FCER1A: variants seen among roughly 807,000 people sequenced by gnomAD.
FCER1A encodes the protein Fc epsilon receptor Ia.
In FCER1A, 24 loss-of-function variants were observed where a neutral mutation model predicts 23.6. That is an observed-to-expected ratio of 1.02 (90% CI 0.74 to 1.43). FCER1A has a LOEUF of 1.43. Ranked by LOEUF, FCER1A falls within the 40% of genes most tolerant of loss-of-function variation. The pLI is 0.00. For missense variants in FCER1A, 318 were observed against 294.5 expected (o/e 1.08, Z -0.58); for synonymous variants, 121 against 108.8 (o/e 1.11, Z -0.70).
At chr1:159,302,181 A>T (rs1652448456), upstream of FCER1A, 1 of 628,042 alleles carries the variant, frequency 1.6e-6, no homozygotes, top group African/African-American at 1.8e-5. Context: ...GTGGGTAAAT[A>T]TTAAATTGCC....
upstream of FCER1A, among the ~76,000 whole-genome samples, chr1:159,299,005 T>C (rs1488086390): frequency 6.6e-6 from 1 of 152,248 alleles, no homozygotes; most frequent in African/African-American, 2.4e-5. Flanking sequence ...CATGAGCATG[T>C]GCTCTTAAGA....
intron 2 of FCER1A, 28 bp from the exon 3 acceptor site, chr1:159,303,900 G>A (rs1652516924): frequency 6.3e-7 from 1 of 1,587,642 alleles, no homozygotes; most frequent in African/African-American, 1.4e-5. Context: ...CTCTCTACAT[G>A]TCTTTTCATA....
intron 1 of FCER1A, among the ~76,000 whole-genome samples, chr1:159,296,764 C>T (rs977524965): frequency 4.6e-5 from 7 of 152,168 alleles, no homozygotes; most frequent in Admixed American, 1.3e-4. Context: ...ATCATTGAAA[C>T]AAGCAACCCT....
At chr1:159,301,006 A>G (rs1482039452), upstream of FCER1A, among the ~76,000 whole-genome samples, 1 of 152,202 alleles carries the variant, frequency 6.6e-6, no homozygotes, top group African/African-American at 2.4e-5. Flanking sequence ...CTTATCTGAA[A>G]CTTAAATTCC....
upstream of FCER1A, among the ~76,000 whole-genome samples, chr1:159,285,923 G>A (rs1412632188): frequency 2.0e-5 from 3 of 152,100 alleles, no homozygotes; most frequent in African/African-American, 4.8e-5. Flanking sequence ...TGTGGCTCAT[G>A]CCTGTAATCC....
At chr1:159,288,532 T>C (rs1652072661), upstream of FCER1A, among the ~76,000 whole-genome samples, 1 of 152,350 alleles carries the variant, frequency 6.6e-6, no homozygotes, top group Admixed American at 6.5e-5. Flanking sequence ...CAGTCTGCAC[T>C]GCAGAAGCGA....
At chr1:159,298,428 A>G (rs1246716957), upstream of FCER1A, among the ~76,000 whole-genome samples, 1 of 152,122 alleles carries the variant, frequency 6.6e-6, no homozygotes, top group Non-Finnish European at 1.5e-5. Context: ...TTTAAAGGAA[A>G]CTAGAACCTC....
intron 1 of FCER1A, among the ~76,000 whole-genome samples, chr1:159,291,265 T>A (rs1482878477): frequency 6.6e-6 from 1 of 152,194 alleles, no homozygotes; most frequent in Non-Finnish European, 1.5e-5. Context: ...TTTCTCTTTG[T>A]CATCTTCTTC....
chr1:159,287,047 G>C (rs1431477691), upstream of FCER1A, among the ~76,000 whole-genome samples: 1 of 152,134 alleles, frequency 6.6e-6, no homozygotes, highest in African/African-American at 2.4e-5. Flanking sequence ...ATGCACAATT[G>C]AAAAATCTAG....
At chr1:159,292,095 T>G (rs1652166824) in intron 1 of FCER1A, among the ~76,000 whole-genome samples, 1 of 152,174 alleles carries the variant, frequency 6.6e-6, no homozygotes. Flanking sequence ...CCTAGAGTTC[T>G]GCTCTGAGAC....
upstream of FCER1A, among the ~76,000 whole-genome samples, chr1:159,299,951 G>A (rs556029426): frequency 1.4e-5 from 2 of 144,966 alleles, no homozygotes; most frequent in South Asian, 2.3e-4. Flanking sequence ...TTTTCTTTCC[G>A]ATGCTGTTAA....
upstream of FCER1A, among the ~76,000 whole-genome samples, chr1:159,288,443 G>A (rs1400316308): frequency 1.4e-5 from 2 of 147,088 alleles, no homozygotes; most frequent in African/African-American, 2.7e-5. Context: ...TTCTGCCTTG[G>A]TTTTGTGACA....
chr1:159,305,917 C>T, intron 3 of FCER1A, 71 bp from the exon 4 acceptor site: 1 of 1,359,676 alleles, frequency 7.4e-7, no homozygotes, highest in Non-Finnish European at 1.0e-6. Flanking sequence ...CTATGCGTGG[C>T]TCTCTTTTCT....
chr1:159,292,352 A>G (rs1179640900), intron 1 of FCER1A, among the ~76,000 whole-genome samples: 1 of 152,092 alleles, frequency 6.6e-6, no homozygotes, highest in Non-Finnish European at 1.5e-5. Flanking sequence ...CAATTCTAGT[A>G]CTTCCCTTAA....
chr1:159,299,775 T>C (rs1414300519), upstream of FCER1A, among the ~76,000 whole-genome samples: 1 of 152,096 alleles, frequency 6.6e-6, no homozygotes, highest in Admixed American at 6.6e-5. Flanking sequence ...ACTTTTTTTT[T>C]TATATATAAG....
At chr1:159,286,567 T>C (rs372999993), upstream of FCER1A, among the ~76,000 whole-genome samples, 95 of 152,150 alleles carry the variant, frequency 6.2e-4, no homozygotes, top group Middle Eastern at 3.4e-3. Flanking sequence ...CTCCTGACCT[T>C]GTGATCCGCC....
At chr1:159,302,717 C>G (rs1156566129) in intron 1 of FCER1A, 137 bp from the exon 2 acceptor site, 7 of 825,286 alleles carry the variant, frequency 8.5e-6, no homozygotes, top group Non-Finnish European at 1.5e-5. Context: ...TCTTTCTTCC[C>G]CTGATTCTGA....
intron 1 of FCER1A, among the ~76,000 whole-genome samples, chr1:159,290,081 C>T (rs530583884): frequency 6.6e-6 from 1 of 152,226 alleles, no homozygotes; most frequent in African/African-American, 2.4e-5. Context: ...GTAGGTTCTC[C>T]AGAAGAACCT....
chr1:159,284,387 G>A, the FCER1A span, among the ~76,000 whole-genome samples: 1 of 152,268 alleles, frequency 6.6e-6, no homozygotes, highest in East Asian at 1.9e-4. Flanking sequence ...CTTCCAATAA[G>A]TTTAATTTCT....
Sources: allele counts gnomAD v4.1 joint callset (sites outside exome capture counted in the v4.1 genomes callset), GRCh38; gene constraint gnomAD v4.1.1; transcripts MANE v1.5; gene names NCBI Gene and HGNC (gene_info 2026-07-23, HGNC 2026-07-21).